Variants in ZC3H12B observed in about 807,000 individuals in gnomAD.
The protein encoded by ZC3H12B is probable ribonuclease ZC3H12B.
ZC3H12B carries 7 observed loss-of-function variants against 43.9 expected under a neutral mutation model. The ratio of observed to expected loss-of-function variants is 0.16; its 90% CI spans 0.09 to 0.30. The LOEUF (loss-of-function observed/expected upper bound fraction) is 0.30, where lower values mean the gene tolerates loss of function less well. Among genes scored for constraint, ZC3H12B ranks in the 10% least tolerant of loss-of-function variants. The pLI, the probability that ZC3H12B is intolerant of heterozygous loss-of-function variation, is 1.00. For missense variants in ZC3H12B, 475 were observed against 670.2 expected, an observed-to-expected ratio of 0.71 and a Z score of 3.22; for synonymous variants, 222 against 241.7, an observed-to-expected ratio of 0.92 and a Z score of 0.76.
chrX:65,309,259 A>G, the ZC3H12B span, among the ~76,000 whole-genome samples: 2 of 111,721 alleles, frequency 1.8e-5, no homozygotes, highest in African/African-American at 6.5e-5. Flanking sequence ...CAAGATTAAA[A>G]AAGAAGAAAA....
At chrX:65,435,474 T>C (rs1289969683) in intron 3 of ZC3H12B, among the ~76,000 whole-genome samples, 2 of 111,847 alleles carry the variant, frequency 1.8e-5, no homozygotes, top group African/African-American at 6.5e-5. Flanking sequence ...CTTTCTGTAC[T>C]ATTGGAAATA....
At chrX:65,454,924 G>C (rs931725046) in intron 3 of ZC3H12B, among the ~76,000 whole-genome samples, 7 of 112,133 alleles carry the variant, frequency 6.2e-5, no homozygotes, top group Admixed American at 5.7e-4. Context: ...GGTCCTGACT[G>C]TTAGAAGGAA....
intron 3 of ZC3H12B, among the ~76,000 whole-genome samples, chrX:65,455,978 C>T (rs1306199435): frequency 9.0e-6 from 1 of 111,615 alleles, no homozygotes; most frequent in East Asian, 2.8e-4. Context: ...CTGAAGGAAG[C>T]ATTAAACATG....
At chrX:65,443,827 C>G (rs1003291120) in intron 3 of ZC3H12B, among the ~76,000 whole-genome samples, 22 of 112,466 alleles carry the variant, frequency 2.0e-4, no homozygotes, top group Non-Finnish European at 3.9e-4. Flanking sequence ...TATGGCCAGA[C>G]TTTGGGGGAC....
At chrX:65,231,085 G>A in the ZC3H12B span, among the ~76,000 whole-genome samples, 2 of 111,566 alleles carry the variant, frequency 1.8e-5, no homozygotes, top group East Asian at 5.6e-4. Context: ...AAAAGAAAGA[G>A]TACAAAGAGA....
intron 3 of ZC3H12B, among the ~76,000 whole-genome samples, chrX:65,416,717 A>C (rs1283656264): frequency 9.2e-6 from 1 of 108,539 alleles, no homozygotes; most frequent in Non-Finnish European, 1.9e-5. Context: ...GTGAACCGGA[A>C]GGCGGAGCTT....
chrX:65,387,573 AC>A (rs1243892670), intron 2 of ZC3H12B, among the ~76,000 whole-genome samples: 1 of 111,945 alleles, frequency 8.9e-6, no homozygotes, highest in East Asian at 2.8e-4. Flanking sequence ...CAGCACACTG[AC>A]TGGTCTTGAC....
chrX:65,151,843 G>A, the ZC3H12B span, among the ~76,000 whole-genome samples: 2 of 111,521 alleles, frequency 1.8e-5, no homozygotes, highest in Admixed American at 9.6e-5. Context: ...TAAAATACTG[G>A]CAAACTGAAT....
the ZC3H12B span, among the ~76,000 whole-genome samples, chrX:65,164,301 C>T: frequency 9.0e-6 from 1 of 111,175 alleles, no homozygotes; most frequent in East Asian, 2.9e-4. Flanking sequence ...GGTTATAGAA[C>T]CAGTTGAATC....
the ZC3H12B span, among the ~76,000 whole-genome samples, chrX:65,038,402 T>C: frequency 9.0e-6 from 1 of 111,683 alleles, no homozygotes; most frequent in Non-Finnish European, 1.9e-5. Context: ...AAACAAGTTA[T>C]TAGAGAACAG....
At chrX:65,503,913 A>G (rs1019384473) in exon 5 of ZC3H12B, 4 of 112,125 alleles carry the variant, frequency 3.6e-5, no homozygotes, top group African/African-American at 9.7e-5. Context: ...CACTGCGCCC[A>G]GCCTACCAGA....
At chrX:65,272,939 C>A in the ZC3H12B span, 2 of 112,066 alleles carry the variant, frequency 1.8e-5, no homozygotes, top group Admixed American at 1.9e-4. Context: ...ATTGCCCAAC[C>A]TCTGTTGGTT....
At chrX:65,455,120 G>A in intron 3 of ZC3H12B, among the ~76,000 whole-genome samples, 1 of 112,464 alleles carries the variant, frequency 8.9e-6, no homozygotes, top group East Asian at 2.8e-4. Flanking sequence ...CAACAAAGCT[G>A]GATGGAGAAT....
the ZC3H12B span, among the ~76,000 whole-genome samples, chrX:65,284,162 A>G: frequency 9.2e-6 from 1 of 108,960 alleles, no homozygotes; most frequent in African/African-American, 3.3e-5. Context: ...CATTTTCATG[A>G]TAGTCCTCCT....
rs998601200 is a variant in ZC3H12B at position 65,494,705 on chromosome X, C to T, written c.609-2427C>T. On this transcript the variant is annotated intron_variant, in intron 1 of 4. Transcript: ENST00000338957. ...CTGAGACAGGAGAATTGCTTGAACC[C>T]GGGAGGCAGAGGTTGCAGTGAGCCG... 1.2e-4 allele frequency among the ~76,000 whole-genome samples: 13 copies of T among 108,789 alleles called. No homozygotes were observed. The South Asian group carries it at 4.0e-3, about 33-fold the overall frequency. 94.5% of individuals were successfully genotyped at this position (108,789 alleles called of 115,157 possible). A position where few individuals can be genotyped will look rare whatever the true frequency, so the allele number is the denominator to read the frequency against.
At chrX:65,162,545 C>G in the ZC3H12B span, among the ~76,000 whole-genome samples, 15 of 112,017 alleles carry the variant, frequency 1.3e-4, no homozygotes, top group African/African-American at 4.9e-4. Context: ...ACCCTTTCTT[C>G]CAGTTGATCA....
At chrX:65,364,219 A>T (rs2066142425), upstream of ZC3H12B, among the ~76,000 whole-genome samples, 1 of 110,420 alleles carries the variant, frequency 9.1e-6, no homozygotes, top group African/African-American at 3.3e-5. Context: ...AACCAAACTC[A>T]TTGCCTTAAC....
chrX:65,263,119 T>A, the ZC3H12B span, among the ~76,000 whole-genome samples: 1 of 111,421 alleles, frequency 9.0e-6, no homozygotes, highest in South Asian at 3.7e-4. Context: ...CTCATAAGAC[T>A]TTTATGTGCC....
chrX:65,408,874 G>T (rs1602395431), intron 3 of ZC3H12B, among the ~76,000 whole-genome samples: 1 of 111,921 alleles, frequency 8.9e-6, no homozygotes, highest in African/African-American at 3.2e-5. Flanking sequence ...TCGTTAGATT[G>T]CAGGCATCTT....
Sources: gnomAD v4.1 joint callset for allele counts (sites outside exome capture counted in the v4.1 genomes callset) on GRCh38, gnomAD v4.1.1 for gene constraint, MANE v1.5 for transcripts, NCBI Gene and HGNC (gene_info 2026-07-23, HGNC 2026-07-21) for gene names.